CNTN5: variants seen among roughly 807,000 people sequenced by gnomAD.
The protein encoded by CNTN5 is contactin 5.
In CNTN5, 77 loss-of-function variants were observed where a neutral mutation model predicts 129.1. That is an observed-to-expected ratio of 0.60 (90% CI 0.50 to 0.72). The LOEUF is 0.72. Among genes scored for constraint, CNTN5 ranks in the 30% least tolerant of loss-of-function variants. The pLI, the probability that CNTN5 is intolerant of heterozygous loss-of-function variation, is 0.00. For synonymous variants in CNTN5, 509 were observed against 465.6 expected (o/e 1.09, Z -1.20); for missense variants, 1,478 against 1,328.8 (o/e 1.11, Z -1.75).
chr11:99,036,882 G>A (rs566723521), intron 1 of CNTN5, among the ~76,000 whole-genome samples: 1 of 152,148 alleles, frequency 6.6e-6, no homozygotes, highest in African/African-American at 2.4e-5. Context: ...CGCCAGTGAT[G>A]TTCTGAGTTG....
At chr11:100,260,184 A>G (rs138871808) in intron 17 of CNTN5, among the ~76,000 whole-genome samples, 1,978 of 152,352 alleles carry the variant, frequency 0.013, 34 homozygotes, top group African/African-American at 0.045. Context: ...CAAATAAACT[A>G]GAAAATCTAG....
At chr11:99,034,748 G>GT (rs1565263957) in intron 1 of CNTN5, among the ~76,000 whole-genome samples, 1 of 151,730 alleles carries the variant, frequency 6.6e-6, no homozygotes, top group Non-Finnish European at 1.5e-5. Context: ...TTTTTGAAGG[G>GT]TTTTTTGCAT....
At chr11:100,261,971 T>G (rs1950207953) in intron 17 of CNTN5, among the ~76,000 whole-genome samples, 1 of 152,200 alleles carries the variant, frequency 6.6e-6, no homozygotes, top group Non-Finnish European at 1.5e-5. Context: ...ACTAAAGATC[T>G]TCTGCACAGT....
chr11:99,408,351 C>T (rs1942187514), intron 2 of CNTN5, among the ~76,000 whole-genome samples: 1 of 137,260 alleles, frequency 7.3e-6, no homozygotes. Flanking sequence ...CAGCACATGC[C>T]ACTACACCAG....
intron 18 of CNTN5, among the ~76,000 whole-genome samples, chr11:100,275,931 T>A (rs1375529776): frequency 6.6e-6 from 1 of 152,206 alleles, no homozygotes; most frequent in Non-Finnish European, 1.5e-5. Flanking sequence ...GACACCAATG[T>A]CTGGAGACAT....
At chr11:100,248,957 C>T (rs1032251029) in intron 16 of CNTN5, among the ~76,000 whole-genome samples, 21 of 152,214 alleles carry the variant, frequency 1.4e-4, no homozygotes, top group African/African-American at 4.6e-4. Context: ...AGACTAAAGC[C>T]TGTTCTTGCT....
At chr11:100,036,971 G>T (rs1205835128) in intron 9 of CNTN5, among the ~76,000 whole-genome samples, 1 of 150,728 alleles carries the variant, frequency 6.6e-6, no homozygotes, top group Non-Finnish European at 1.5e-5. Context: ...CCCTTCTCCT[G>T]CCTGATTGCC....
intron 2 of CNTN5, among the ~76,000 whole-genome samples, chr11:99,429,518 A>T (rs1943273473): frequency 6.6e-6 from 1 of 152,162 alleles, no homozygotes; most frequent in African/African-American, 2.4e-5. Flanking sequence ...GGACAGCAAA[A>T]GGGAGAGAGA....
chr11:99,796,683 G>A (rs1945953105), intron 3 of CNTN5, among the ~76,000 whole-genome samples: 1 of 152,010 alleles, frequency 6.6e-6, no homozygotes, highest in Non-Finnish European at 1.5e-5. Flanking sequence ...CTCGGGGCAG[G>A]ATCAATCTGC....
Position 99,565,172 on chromosome 11 carries a change from G to C in CNTN5, c.55+8903G>C, listed in dbSNP as rs114738343. Among the ~76,000 whole-genome samples the C allele has an allele frequency of 7.4e-3, 1,119 of 152,208 alleles. 16 individuals are homozygous for C. Among genetic ancestry groups the C allele is most frequent in the African/African-American group, 0.025 (1,036 of 41,534 alleles). ...GCACTTTCAACTTGTCTTAAAGGAAGTTGGAAGCCCCTAGAAGCCGCCTCA... is the reference window on the plus strand; with the variant it reads ...GCACTTTCAACTTGTCTTAAAGGAACTTGGAAGCCCCTAGAAGCCGCCTCA... On this transcript the variant is annotated intron_variant, in intron 3 of 24. Coordinates refer to ENST00000524871, the MANE Select transcript of CNTN5 (RefSeq NM_014361.4).
chr11:99,169,010 C>T (rs539517785), intron 1 of CNTN5, among the ~76,000 whole-genome samples: 19 of 152,274 alleles, frequency 1.2e-4, no homozygotes, highest in Middle Eastern at 3.4e-3. Context: ...GCACAACTGA[C>T]ATGAAGAACA....
At chr11:99,362,224 T>C in intron 2 of CNTN5, among the ~76,000 whole-genome samples, 1 of 152,088 alleles carries the variant, frequency 6.6e-6, no homozygotes, top group East Asian at 1.9e-4. Flanking sequence ...TTGCTGTCCC[T>C]TAGTGACTAA....
At chr11:99,518,088 T>C (rs910470288) in intron 2 of CNTN5, among the ~76,000 whole-genome samples, 8 of 152,168 alleles carry the variant, frequency 5.3e-5, no homozygotes, top group African/African-American at 1.9e-4. Flanking sequence ...TAGAGTTTTA[T>C]AATTAATATT....
chr11:99,715,399 A>T (rs1356206122), intron 3 of CNTN5, among the ~76,000 whole-genome samples: 1 of 151,616 alleles, frequency 6.6e-6, no homozygotes, highest in African/African-American at 2.4e-5. Context: ...TACTCTGAAG[A>T]TAGGCAACTT....
intron 3 of CNTN5, among the ~76,000 whole-genome samples, chr11:99,574,131 C>A (rs2135586202): frequency 6.6e-6 from 1 of 152,278 alleles, no homozygotes; most frequent in Non-Finnish European, 1.5e-5. Context: ...GTTCAACTCT[C>A]ACTTATGAGT....
intron 3 of CNTN5, among the ~76,000 whole-genome samples, chr11:99,755,247 T>G (rs576827348): frequency 2.5e-4 from 38 of 152,222 alleles, no homozygotes; most frequent in South Asian, 8.3e-4. Flanking sequence ...TACCAAGGAG[T>G]GCAATTGTTG....
chr11:99,955,279 C>T (rs935741739), intron 7 of CNTN5, among the ~76,000 whole-genome samples: 1 of 151,576 alleles, frequency 6.6e-6, no homozygotes, highest in Non-Finnish European at 1.5e-5. Context: ...AATTTAGAGT[C>T]TACTTGAGCT....
intron 3 of CNTN5, among the ~76,000 whole-genome samples, chr11:99,699,151 G>A (rs184773561): frequency 2.0e-5 from 3 of 151,246 alleles, no homozygotes; most frequent in African/African-American, 7.2e-5. Flanking sequence ...TGTTCATGTC[G>A]TGATGATTTT....
intron 7 of CNTN5, among the ~76,000 whole-genome samples, chr11:99,916,496 C>A (rs1465753945): frequency 6.6e-6 from 1 of 152,126 alleles, no homozygotes; most frequent in Non-Finnish European, 1.5e-5. Flanking sequence ...GTTGAGTTAA[C>A]TGAATACCAA....
Sources: allele counts gnomAD v4.1 joint callset (sites outside exome capture counted in the v4.1 genomes callset), GRCh38; gene constraint gnomAD v4.1.1; transcripts MANE v1.5; gene names NCBI Gene and HGNC (gene_info 2026-07-23, HGNC 2026-07-21).